ZNF227: variants seen among roughly 807,000 people sequenced by gnomAD.
ZNF227 encodes the protein zinc finger protein 227.
A neutral mutation model predicts 13.2 loss-of-function variants in ZNF227; 12 were observed. The ratio of observed to expected loss-of-function variants is 0.91; its 90% CI spans 0.58 to 1.47. The LOEUF (loss-of-function observed/expected upper bound fraction) is 1.47, where lower values mean the gene tolerates loss of function less well. ZNF227 is among the 40% of genes most tolerant of loss of function. ZNF227 has a pLI of 0.00. For missense variants in ZNF227, 885 were observed against 967.5 expected, an observed-to-expected ratio of 0.91 and a Z score of 1.13; for synonymous variants, 338 against 326.0, an observed-to-expected ratio of 1.04 and a Z score of -0.40.
intron 2 of ZNF227, among the ~76,000 whole-genome samples, chr19:44,214,121 A>T (rs1193027096): frequency 6.6e-6 from 1 of 152,206 alleles, no homozygotes; most frequent in Non-Finnish European, 1.5e-5. Context: ...TGTTGTTGAA[A>T]TTAACTTCAC....
intron 3 of ZNF227, among the ~76,000 whole-genome samples, chr19:44,220,558 C>T (rs1972385806): frequency 2.6e-5 from 4 of 152,070 alleles, no homozygotes; most frequent in Admixed American, 2.6e-4. Context: ...GTGGCCCTCC[C>T]CTCTCACCCA....
At chr19:44,217,309 A>G (rs1971994054) in intron 2 of ZNF227, 4 of 391,040 alleles carry the variant, frequency 1.0e-5, no homozygotes, top group Admixed American at 6.4e-5. Flanking sequence ...TGTAACTATA[A>G]GAGAAAGGGA....
intron 3 of ZNF227, among the ~76,000 whole-genome samples, chr19:44,220,780 G>T (rs959706941): frequency 3.2e-4 from 48 of 152,024 alleles, no homozygotes; most frequent in Non-Finnish European, 6.8e-4. Context: ...TTAGCATTAG[G>T]TATATCTGCT....
chr19:44,228,540 T>C lies in ZNF227; in HGVS notation c.155T>C (p.Met52Thr). ...CAGAGGAAGCTGTACCGAGATGTCA[T>C]GGTGGAGAACTTCAAGAACCTGGTT... ...LTQRKLYRDV[M>T]VENFKNLVAV... The change falls in exon 4 of 6, where the codon ATG becomes ACG. Residue 52 changes from methionine (M) to threonine (T), a missense_variant. Coordinates refer to ENST00000313040, the MANE Select transcript of ZNF227 (RefSeq NM_182490.3). 1 of 1,613,536 alleles carries C rather than the reference T, an allele frequency of 6.2e-7. No homozygotes were observed. Among genetic ancestry groups the C allele is most frequent in the African/African-American group, 1.3e-5 (1 of 74,896 alleles).
At position 44,229,206 on chromosome 19, in the gene ZNF227, A is replaced by G. The variant is rs145033417; in HGVS notation, c.188-527A>G. On this transcript the variant is annotated intron_variant, in intron 4 of 5. Coordinates refer to ENST00000313040, the MANE Select transcript of ZNF227 (RefSeq NM_182490.3). The stretch of plus-strand genomic sequence containing the variant: ...AGATACAGCATTGCAAATGTGATGA[A>G]AACAGACATTAGCCAAGTATAACTT... 3.6e-3 allele frequency: 553 copies of G among 152,530 alleles called. 2 individuals carry two copies. Among genetic ancestry groups the G allele is most frequent in the Non-Finnish European group, 6.3e-3 (428 of 68,170 alleles). The allele number at this position is 152,530 out of a possible 1,614,324, so 9.4% of individuals were successfully genotyped here.
chr19:44,218,454 C>T (rs998390195), intron 3 of ZNF227, among the ~76,000 whole-genome samples: 1 of 152,186 alleles, frequency 6.6e-6, no homozygotes, highest in Non-Finnish European at 1.5e-5. Context: ...TCAGTTCCCT[C>T]AGGTGTTTTG....
chr19:44,229,859 C>G (rs765475492), intron 5 of ZNF227, 43 bp downstream of exon 5: 5 of 1,396,656 alleles, frequency 3.6e-6, no homozygotes, highest in Non-Finnish European at 3.9e-6. Context: ...CTTTCAGGTA[C>G]TGGTTAGTCT....
upstream of ZNF227, among the ~76,000 whole-genome samples, chr19:44,211,484 CAAAT>C (rs1282193678): frequency 6.6e-6 from 1 of 152,138 alleles, no homozygotes; most frequent in Non-Finnish European, 1.5e-5. Flanking sequence ...TACATTTAAG[CAAAT>C]AAAGATCAAG....
chr19:44,235,711 G>T lies in ZNF227; in HGVS notation c.1281G>T (p.Gln427His). 6.2e-7 allele frequency: 1 copy of T among 1,614,060 alleles called. No individual in the cohort carries two copies. Among genetic ancestry groups the T allele is most frequent in the Non-Finnish European group, 8.5e-7 (1 of 1,180,004 alleles). Residue 427 changes from glutamine (Q) to histidine (H), a missense_variant, in exon 6 of 6, where the codon CAG (glutamine) becomes CAT (histidine). Gln to His is a conservative substitution (Grantham distance 24, BLOSUM62 0). Transcript: ENST00000313040. ...FTQAAHFHIH[Q>H]RVHTGEKPYK... Reference sequence around the variant, plus strand: ...AGGCTGCACATTTTCACATCCATCAGAGAGTCCACACTGGAGAGAAACCCT... The same window carrying T: ...AGGCTGCACATTTTCACATCCATCATAGAGTCCACACTGGAGAGAAACCCT...
At chr19:44,224,353 G>C (rs1972872218) in intron 3 of ZNF227, among the ~76,000 whole-genome samples, 2 of 152,140 alleles carry the variant, frequency 1.3e-5, no homozygotes, top group African/African-American at 4.8e-5. Flanking sequence ...TGATCTGTCT[G>C]ATGCTGACAG....
In ZNF227 at chr19:44,236,337, T is replaced by G. The variant is rs1340541347; in HGVS notation, c.1907T>G (p.Val636Gly). 2 of 1,611,742 alleles carry G rather than the reference T, an allele frequency of 1.2e-6. No individual in the cohort carries two copies. Among genetic ancestry groups the G allele is most frequent in the Admixed American group, 3.3e-5 (2 of 59,860 alleles). Residue 636 changes from valine (V) to glycine (G), a missense_variant, in exon 6 of 6, where the codon GTC (valine) becomes GGC (glycine). Physicochemically the swap from Val to Gly is moderately radical, Grantham distance 109. Coordinates refer to ENST00000313040, the MANE Select transcript of ZNF227 (RefSeq NM_182490.3). ...HTGEKPYKCGVCGKGFSQSSG... is the reference protein window; with the variant it reads ...HTGEKPYKCGGCGKGFSQSSG... ...GGAGAGAAGCCATACAAATGTGGTG[T>G]CTGTGGTAAGGGCTTCAGTCAGTCC...
At chr19:44,228,249 A>ACAG in intron 3 of ZNF227, 197 bp from the exon 4 acceptor site, 1 of 520,494 alleles carries the variant, frequency 1.9e-6, no homozygotes, top group Admixed American at 4.1e-5. Context: ...AAAACAAAAA[A>ACAG]CAGTGATAAA....
At chr19:44,222,673 TG>T (rs1440955846) in intron 3 of ZNF227, among the ~76,000 whole-genome samples, 8 of 148,744 alleles carry the variant, frequency 5.4e-5, no homozygotes, top group Non-Finnish European at 1.2e-4. Context: ...GCTGAGACAA[TG>T]GGGTTTTCTA....
intron 1 of ZNF227, 154 bp downstream of exon 1, chr19:44,212,739 C>G (rs1408189420): frequency 6.6e-6 from 1 of 152,266 alleles, no homozygotes; most frequent in Non-Finnish European, 1.5e-5. Context: ...TCCTCCCGCA[C>G]TTGGCAAGCA....
In ZNF227 at chr19:44,235,698, T is replaced by G. The variant is rs770482658; in HGVS notation, c.1268T>G (p.Phe423Cys). The G allele has an allele frequency of 6.2e-7, 1 of 1,614,108 alleles. No individual in the cohort carries two copies. Among genetic ancestry groups the G allele is most frequent in the Admixed American group, 1.7e-5 (1 of 60,006 alleles). The part of the protein sequence containing the change: ...CGKGFTQAAH[F>C]HIHQRVHTGE... Reference sequence around the variant, plus strand: ...AAGGGCTTCACTCAGGCTGCACATTTTCACATCCATCAGAGAGTCCACACT... The same window carrying G: ...AAGGGCTTCACTCAGGCTGCACATTGTCACATCCATCAGAGAGTCCACACT... The change falls in exon 6 of 6, where the codon TTT becomes TGT. Residue 423 changes from phenylalanine (F) to cysteine (C), a missense_variant. By Grantham distance (205) the Phe-to-Cys change is radical. Transcript: ENST00000313040.
chr19:44,219,904 A>G (rs1463050941), intron 3 of ZNF227, among the ~76,000 whole-genome samples: 2 of 151,888 alleles, frequency 1.3e-5, no homozygotes, highest in South Asian at 2.1e-4. Context: ...AGCATTAGGT[A>G]TATCTCCTAA....
At chr19:44,229,842 G>T in intron 5 of ZNF227, 26 bp downstream of exon 5, 2 of 1,499,022 alleles carry the variant, frequency 1.3e-6, no homozygotes, top group Middle Eastern at 1.8e-4. Flanking sequence ...AGAACCCTGT[G>T]TCTGTTCTTT....
rs777892737 is a variant in ZNF227, at chr19:44,234,787, C to G, written c.357C>G (p.Ile119Met). 1 of 1,613,618 alleles carries G rather than the reference C, an allele frequency of 6.2e-7. No individual in the cohort carries two copies. Among genetic ancestry groups the G allele is most frequent in the Non-Finnish European group, 8.5e-7 (1 of 1,179,962 alleles). ...ATCAAGAGCTGTCCTGCTGGCAAAT[C>G]TGGAAACAGGTTGCAAGTGAATTAA... ...LSNQELSCWQ[I>M]WKQVASELTR... The change falls in exon 6 of 6, where the codon ATC becomes ATG. Residue 119 changes from isoleucine (I) to methionine (M), a missense_variant. By Grantham distance (10) the Ile-to-Met change is conservative (BLOSUM62 1). Transcript: ENST00000313040.
intron 5 of ZNF227, among the ~76,000 whole-genome samples, chr19:44,233,722 C>T (rs2122949737): frequency 6.6e-6 from 1 of 152,116 alleles, no homozygotes; most frequent in East Asian, 1.9e-4. Context: ...ATGGCAAAAC[C>T]CCATCTCTAC....
Sources: allele counts gnomAD v4.1 joint callset (sites outside exome capture counted in the v4.1 genomes callset), GRCh38; gene constraint gnomAD v4.1.1; transcripts MANE v1.5; gene names NCBI Gene and HGNC (gene_info 2026-07-23, HGNC 2026-07-21).